GLYATL3: variants seen among roughly 807,000 people sequenced by gnomAD.
GLYATL3 encodes glycine N-acyltransferase-like protein 3.
Under a neutral mutation model 28.5 loss-of-function variants are expected in GLYATL3, and 31 were observed. The ratio of observed to expected loss-of-function variants is 1.09; its 90% CI spans 0.82 to 1.47. The LOEUF is 1.47. GLYATL3 is among the 40% of genes most tolerant of loss of function. GLYATL3 has a pLI of 0.00. For synonymous variants in GLYATL3, 141 were observed against 140.2 expected, an observed-to-expected ratio of 1.01 and a Z score of -0.04; for missense variants, 369 against 351.5, an observed-to-expected ratio of 1.05 and a Z score of -0.40.
chr6:49,524,217 A>G (rs2127240244), intron 5 of GLYATL3, among the ~76,000 whole-genome samples: 1 of 152,350 alleles, frequency 6.6e-6, no homozygotes. Flanking sequence ...ATTTTCAAAA[A>G]CTCAATTGAA....
Position 49,527,853 on chromosome 6 carries a change from C to T in GLYATL3, c.*939C>T, listed in dbSNP as rs1769451644. ...TCTTTTATATGTATAGGTATATACTCATAGAATTTTGATAAGATAATAAAT... is the reference window on the plus strand; with the variant it reads ...TCTTTTATATGTATAGGTATATACTTATAGAATTTTGATAAGATAATAAAT... On this transcript the variant is annotated 3_prime_UTR_variant, in exon 6 of 6. Coordinates refer to ENST00000371197, the MANE Select transcript of GLYATL3 (RefSeq NM_001010904.2). Among the ~76,000 whole-genome samples, 1 of 151,968 alleles carries T rather than the reference C, an allele frequency of 6.6e-6. No individual in the cohort carries two copies. Among genetic ancestry groups the T allele is most frequent in the Non-Finnish European group, 1.5e-5 (1 of 68,012 alleles).
At position 49,526,560 on chromosome 6, in the gene GLYATL3, G is replaced by C; in HGVS notation, c.513G>C (p.Arg171=). The change falls in exon 6 of 6, where the codon CGG becomes CGC. Residue 171 remains arginine, a synonymous_variant. Transcript: ENST00000371197. ...NADLLNRTWS[R]GGNEQCLRYI... ...ATCTACTCAACCGGACTTGGTCCCG[G>C]GGAGGCAATGAACAATGTCTCCGGT... is the stretch of plus-strand genomic sequence containing the variant. 6.4e-7 allele frequency: 1 copy of C among 1,551,788 alleles called. No homozygotes were observed. The highest frequency in any genetic ancestry group is 8.7e-7 in the Non-Finnish European group (1 of 1,147,008).
chr6:49,515,631 G>C (rs1194543057), intron 2 of GLYATL3, 22 bp from the exon 3 acceptor site: 3 of 1,386,034 alleles, frequency 2.2e-6, no homozygotes, highest in African/African-American at 1.4e-5. Context: ...TGATTGGCTT[G>C]TCTCTGGGTT....
At chr6:49,510,484 C>A (rs911225407) in intron 1 of GLYATL3, among the ~76,000 whole-genome samples, 9 of 152,290 alleles carry the variant, frequency 5.9e-5, no homozygotes, top group South Asian at 4.1e-4. Context: ...AGACATCAAA[C>A]CTAATTAAGA....
chr6:49,520,657 G>A (rs1419332719), intron 4 of GLYATL3, among the ~76,000 whole-genome samples: 1 of 152,166 alleles, frequency 6.6e-6, no homozygotes, highest in Non-Finnish European at 1.5e-5. Flanking sequence ...AGGCTGGAAA[G>A]GATGGAGTAG....
chr6:49,500,866 G>A (rs568878968), intron 1 of GLYATL3, among the ~76,000 whole-genome samples: 27 of 152,240 alleles, frequency 1.8e-4, no homozygotes, highest in African/African-American at 6.5e-4. Context: ...CTGCATCAAT[G>A]AGAATTTCTG....
intron 1 of GLYATL3, among the ~76,000 whole-genome samples, chr6:49,508,707 C>G (rs1210701526): frequency 6.6e-6 from 1 of 152,230 alleles, no homozygotes; most frequent in African/African-American, 2.4e-5. Flanking sequence ...GGAAGCACAT[C>G]ACGTGCTGTT....
intron 1 of GLYATL3, among the ~76,000 whole-genome samples, chr6:49,511,310 C>CT (rs1380764860): frequency 6.6e-6 from 1 of 152,112 alleles, no homozygotes; most frequent in East Asian, 1.9e-4. Context: ...TTAGGCCCTT[C>CT]TTTTTTCTTT....
At chr6:49,522,445 T>C (rs961544741) in intron 5 of GLYATL3, among the ~76,000 whole-genome samples, 1 of 152,242 alleles carries the variant, frequency 6.6e-6, no homozygotes, top group African/African-American at 2.4e-5. Flanking sequence ...TTTCTGAGTC[T>C]CAATTTCTTC....
At chr6:49,504,030 T>A (rs186444918) in intron 1 of GLYATL3, among the ~76,000 whole-genome samples, 1 of 152,170 alleles carries the variant, frequency 6.6e-6, no homozygotes, top group Admixed American at 6.5e-5. Flanking sequence ...ATGGCTCGAA[T>A]AAGAAGAAGA....
Position 49,526,549 on chromosome 6 carries a change from A to G in GLYATL3, c.502A>G (p.Thr168Ala). 6.4e-7 allele frequency: 1 copy of G among 1,551,690 alleles called. No homozygotes were observed. The highest frequency in any genetic ancestry group is 8.7e-7 in the Non-Finnish European group (1 of 1,146,956). ...TGCCAATGCGGATCTACTCAACCGG[A>G]CTTGGTCCCGGGGAGGCAATGAACA... ...SVANADLLNR[T>A]WSRGGNEQCL... Residue 168 changes from threonine (T) to alanine (A), a missense_variant, in exon 6 of 6, where the codon ACT becomes GCT. Coordinates refer to ENST00000371197, the MANE Select transcript of GLYATL3 (RefSeq NM_001010904.2).
At chr6:49,521,918 T>A (rs906234881) in intron 5 of GLYATL3, 147 bp downstream of exon 5, 20 of 564,616 alleles carry the variant, frequency 3.5e-5, no homozygotes, top group Middle Eastern at 3.4e-4. Flanking sequence ...TGTGTGTGAG[T>A]GTGTGTGTGT....
At chr6:49,512,413 C>T (rs929570248) in intron 2 of GLYATL3, among the ~76,000 whole-genome samples, 1 of 151,806 alleles carries the variant, frequency 6.6e-6, no homozygotes, top group African/African-American at 2.4e-5. Flanking sequence ...TTAAGCCCTA[C>T]ATGCATTAGG....
rs1225825213 is a variant in GLYATL3 at position 49,526,748 on chromosome 6, T to C, written c.701T>C (p.Leu234Pro). 1.9e-6 allele frequency: 3 copies of C among 1,551,762 alleles called. No homozygotes were observed. Among genetic ancestry groups the C allele is most frequent in the Admixed American group, 3.9e-5 (2 of 51,010 alleles). ...TACAGCCGGCTGGTGGCCCTCACGCTGGCCAGGAAGTTGCAAAGCCGGGGA... is the reference window on the plus strand; with the variant it reads ...TACAGCCGGCTGGTGGCCCTCACGCCGGCCAGGAAGTTGCAAAGCCGGGGA... Reference protein sequence around the residue: ...KGYSRLVALTLARKLQSRGFP... With the variant: ...KGYSRLVALTPARKLQSRGFP... The change falls in exon 6 of 6, where the codon CTG (leucine) becomes CCG (proline). Residue 234 changes from leucine to proline, a missense_variant. Coordinates refer to ENST00000371197, the MANE Select transcript of GLYATL3 (RefSeq NM_001010904.2).
chr6:49,525,964 A>G (rs962420029), intron 5 of GLYATL3, among the ~76,000 whole-genome samples: 10 of 152,222 alleles, frequency 6.6e-5, no homozygotes, highest in African/African-American at 2.2e-4. Context: ...TGAACATAAA[A>G]TTAGAAGCAA....
At chr6:49,521,342 A>C (rs1004989237) in intron 4 of GLYATL3, among the ~76,000 whole-genome samples, 4 of 152,188 alleles carry the variant, frequency 2.6e-5, no homozygotes, top group African/African-American at 9.7e-5. Flanking sequence ...CCGAGAGTCC[A>C]AAGTATCAAT....
At chr6:49,500,812 T>C (rs946335305) in intron 1 of GLYATL3, among the ~76,000 whole-genome samples, 3 of 152,218 alleles carry the variant, frequency 2.0e-5, no homozygotes, top group Admixed American at 6.5e-5. Flanking sequence ...TTAATCGTCA[T>C]TATGACTCTC....
chr6:49,514,696 T>C (rs1335301754), intron 2 of GLYATL3, among the ~76,000 whole-genome samples: 1 of 151,962 alleles, frequency 6.6e-6, no homozygotes, highest in Non-Finnish European at 1.5e-5. Flanking sequence ...TATCCAGGTG[T>C]GGTGGTGCTT....
At chr6:49,503,025 T>C (rs1008068298) in intron 1 of GLYATL3, among the ~76,000 whole-genome samples, 15 of 152,178 alleles carry the variant, frequency 9.9e-5, no homozygotes, top group African/African-American at 3.6e-4. Context: ...TAATAACATA[T>C]ATGGTGGTTT....
Sources: allele counts gnomAD v4.1 joint callset (sites outside exome capture counted in the v4.1 genomes callset), GRCh38; gene constraint gnomAD v4.1.1; transcripts MANE v1.5; gene names NCBI Gene and HGNC (gene_info 2026-07-23, HGNC 2026-07-21).